UNC80: variants seen among roughly 807,000 people sequenced by gnomAD.
UNC80 encodes protein unc-80 homolog.
Under a neutral mutation model 384.6 loss-of-function variants are expected in UNC80, and 164 were observed. The ratio of observed to expected loss-of-function variants is 0.43; its 90% CI spans 0.38 to 0.49. UNC80 has a LOEUF of 0.49. Ranked by LOEUF, UNC80 falls within the 20% of genes least tolerant of loss-of-function variation. The pLI is 0.00. For missense variants in UNC80, 3,330 were observed against 4,143.0 expected (o/e 0.80, Z 5.39); for synonymous variants, 1,486 against 1,527.8 (o/e 0.97, Z 0.64).
chr2:209,962,237 AAAAAGGTT>A (rs2092615821), intron 51 of UNC80, among the ~76,000 whole-genome samples: 1 of 152,172 alleles, frequency 6.6e-6, no homozygotes, highest in African/African-American at 2.4e-5. Flanking sequence ...GGCTTCAGGA[AAAAAGGTT>A]CTGGTTTCAA....
intron 22 of UNC80, among the ~76,000 whole-genome samples, chr2:209,865,282 G>T (rs2083649437): frequency 6.6e-6 from 1 of 151,658 alleles, no homozygotes; most frequent in African/African-American, 2.4e-5. Context: ...GTCCATCAAT[G>T]AATTCCTTTA....
chr2:209,988,410 T>A (rs2093331284), intron 61 of UNC80, among the ~76,000 whole-genome samples: 1 of 152,190 alleles, frequency 6.6e-6, no homozygotes, highest in Admixed American at 6.5e-5. Context: ...CAATCTATAA[T>A]TTTTTTGTAA....
intron 4 of UNC80, among the ~76,000 whole-genome samples, chr2:209,780,961 A>G (rs558398930): frequency 1.3e-5 from 2 of 152,274 alleles, no homozygotes; most frequent in East Asian, 3.9e-4. Flanking sequence ...AACCATTCAG[A>G]CTAATGTTTC....
At position 209,945,935 on chromosome 2, in the gene UNC80, A is replaced by G. The variant is rs915216288; in HGVS notation, c.7278A>G (p.Ser2426=). The change falls in exon 47 of 65, where the codon TCA becomes TCG. Residue 2426 remains serine, a synonymous_variant. Transcript: ENST00000673920. ...CVTVVAYAPE[S]FRSLQMLMVL... is the part of the protein sequence containing the mutation. ...CTGTGGTGGCGTATGCTCCCGAATCATTCAGAAGGTATCTGCAGCCCTTTA... is the reference window on the plus strand; with the variant it reads ...CTGTGGTGGCGTATGCTCCCGAATCGTTCAGAAGGTATCTGCAGCCCTTTA... 1 of 1,550,574 alleles carries G rather than the reference A, an allele frequency of 6.4e-7. No homozygotes were observed. The highest frequency in any genetic ancestry group is 1.4e-5 in the African/African-American group (1 of 72,958).
chr2:209,936,730 T>G (rs1006015967), intron 40 of UNC80, 114 bp from the exon 41 acceptor site: 2 of 680,272 alleles, frequency 2.9e-6, no homozygotes, highest in African/African-American at 3.6e-5. Flanking sequence ...TATATACAGA[T>G]AATTCTCGTA....
rs1643645344 is a variant in UNC80 at position 209,976,163 on chromosome 2, C to T, written c.8632C>T (p.Gln2878Ter). The change falls in exon 57 of 65, where the codon CAG becomes TAG. Residue 2878 changes from glutamine to a stop codon, truncating the protein, a stop_gained. Transcript: ENST00000673920. LOFTEE classifies it high-confidence loss of function. This position sits in a 1 kb window ranked among gnomAD's most constrained non-coding sequence, Gnocchi z 4.3. Reference sequence around the variant, plus strand: ...CTGCTTTGAGAGGCAGCTCGGAAGCCAGTGGTACTGGCTGAGCCTCCAGGT... The same window carrying T: ...CTGCTTTGAGAGGCAGCTCGGAAGCTAGTGGTACTGGCTGAGCCTCCAGGT... ...LVCFERQLGS[Q>*]WYWLSLQVKE... 6.4e-7 allele frequency: 1 copy of T among 1,551,528 alleles called. No individual in the cohort carries two copies. Among genetic ancestry groups the T allele is most frequent in the Non-Finnish European group, 8.7e-7 (1 of 1,146,994 alleles).
chr2:209,953,416 C>CAAAAAA (rs543990253), intron 47 of UNC80, among the ~76,000 whole-genome samples: 1 of 42,436 alleles, frequency 2.4e-5, no homozygotes, highest in African/African-American at 7.7e-5. Flanking sequence ...AAGACTCTGT[C>CAAAAAA]AAAAAAAAAA....
chr2:209,834,696 CTGTT>C (rs1378839107), intron 17 of UNC80, among the ~76,000 whole-genome samples: 3 of 152,276 alleles, frequency 2.0e-5, no homozygotes, highest in East Asian at 1.9e-4. Context: ...GTTAATGACT[CTGTT>C]TGCAATAATG....
chr2:209,818,278 C>G (rs761405504), intron 11 of UNC80, among the ~76,000 whole-genome samples: 2 of 152,084 alleles, frequency 1.3e-5, no homozygotes, highest in Non-Finnish European at 2.9e-5. Flanking sequence ...TATGAGATCT[C>G]TCTGAAGGGC....
intron 30 of UNC80, 141 bp from the exon 31 acceptor site, chr2:209,913,661 C>T: frequency 2.5e-6 from 2 of 787,542 alleles, no homozygotes; most frequent in Non-Finnish European, 3.9e-6. Flanking sequence ...GCCATGTCAA[C>T]TAAATATGCT....
At chr2:209,827,318 T>C (rs1323824150) in intron 14 of UNC80, among the ~76,000 whole-genome samples, 1 of 152,088 alleles carries the variant, frequency 6.6e-6, no homozygotes, top group Admixed American at 6.6e-5. Context: ...TTTCATGACA[T>C]GAAACACTAA....
chr2:209,814,561 CTTAA>C (rs2079600825), intron 8 of UNC80, among the ~76,000 whole-genome samples: 1 of 152,090 alleles, frequency 6.6e-6, no homozygotes, highest in Non-Finnish European at 1.5e-5. Flanking sequence ...TTTCCAGTGT[CTTAA>C]TGTCATCATT....
At chr2:209,856,816 C>T (rs1210213610) in intron 22 of UNC80, among the ~76,000 whole-genome samples, 1 of 151,622 alleles carries the variant, frequency 6.6e-6, no homozygotes, top group African/African-American at 2.4e-5. Context: ...GAGATGGAGG[C>T]TTGCTCTGTT....
Position 209,981,854 on chromosome 2 carries a change from A to T in UNC80, c.9119-325A>T, listed in dbSNP as rs997366308. ...CCTGAAGTATTTATGGAATGTTTTT[A>T]AAAAATTATGTGCTAGCTTTTCTCA... is the stretch of plus-strand genomic sequence containing the variant. On this transcript the variant is annotated intron_variant, in intron 59 of 64. Coordinates refer to ENST00000673920, the MANE Select transcript of UNC80 (RefSeq NM_001371986.1). 9.8e-5 allele frequency among the ~76,000 whole-genome samples: 15 copies of T among 152,354 alleles called. No individual in the cohort carries two copies. In the South Asian group the frequency reaches 1.2e-3, roughly 13 times the overall value.
intron 8 of UNC80, among the ~76,000 whole-genome samples, chr2:209,814,633 T>G (rs2079605111): frequency 6.6e-6 from 1 of 152,198 alleles, no homozygotes; most frequent in Non-Finnish European, 1.5e-5. Context: ...AGAAGTAAAC[T>G]GAATGTGTAC....
rs181537497 is a variant in UNC80 at position 209,786,061 on chromosome 2, C to A, written c.601-5C>A. 253 of 1,612,690 alleles carry A rather than the reference C, an allele frequency of 1.6e-4. No homozygotes were observed. Among genetic ancestry groups the A allele is most frequent in the Non-Finnish European group, 2.0e-4 (239 of 1,179,328 alleles). On this transcript the variant is annotated splice_polypyrimidine_tract_variant and splice_region_variant and intron_variant, in intron 4 of 64. Coordinates refer to ENST00000673920, the MANE Select transcript of UNC80 (RefSeq NM_001371986.1). ...ATTGGACATATATCTTCTCCTCCCC[C>A]CTAGGAATCTGACCTCACCTTCCGT...
chr2:209,882,379 C>G (rs1184588498), intron 25 of UNC80, among the ~76,000 whole-genome samples: 3 of 152,108 alleles, frequency 2.0e-5, no homozygotes, highest in Non-Finnish European at 2.9e-5. Context: ...CTGCATGACA[C>G]CTCTGCCTCT....
At chr2:209,970,794 A>G (rs1019226758) in intron 53 of UNC80, 38 bp from the exon 54 acceptor site, 42 of 1,537,050 alleles carry the variant, frequency 2.7e-5, no homozygotes, top group Non-Finnish European at 3.5e-5. Flanking sequence ...TGAAATTGCA[A>G]TAGTCAAGGC....
intron 41 of UNC80, 73 bp downstream of exon 41, chr2:209,937,006 A>C: frequency 9.7e-7 from 1 of 1,031,912 alleles, no homozygotes; most frequent in Non-Finnish European, 1.5e-6. Context: ...GGTGGCTCAC[A>C]GTCAGGGAGG....
Sources: allele counts gnomAD v4.1 joint callset (sites outside exome capture counted in the v4.1 genomes callset), GRCh38; gene constraint gnomAD v4.1.1; non-coding constraint Gnocchi (gnomAD v3.1); transcripts MANE v1.5; gene names NCBI Gene and HGNC (gene_info 2026-07-23, HGNC 2026-07-21).